Variants in CTNNBL1 observed in about 807,000 individuals in gnomAD.
The protein encoded by CTNNBL1 is beta-catenin-like protein 1.
Under a neutral mutation model 72.7 loss-of-function variants are expected in CTNNBL1, and 31 were observed. The observed-to-expected ratio is 0.43, with a 90% CI of 0.32 to 0.58. The LOEUF is 0.58. CTNNBL1 is among the 20% of genes least tolerant of loss of function. The pLI is 0.08. For synonymous variants in CTNNBL1, 240 were observed against 267.3 expected (o/e 0.90, Z 1.00); for missense variants, 534 against 725.1 (o/e 0.74, Z 3.03).
At chr20:37,831,833 TATC>T (rs2072213063) in intron 11 of CTNNBL1, among the ~76,000 whole-genome samples, 1 of 152,236 alleles carries the variant, frequency 6.6e-6, no homozygotes, top group South Asian at 2.1e-4. Context: ...GCCCTATAAT[TATC>T]ATAAGATTAT....
intron 1 of CTNNBL1, among the ~76,000 whole-genome samples, chr20:37,722,935 T>A (rs1024104627): frequency 2.6e-5 from 4 of 152,258 alleles, no homozygotes; most frequent in Admixed American, 6.5e-5. Flanking sequence ...AATGAATGAA[T>A]GGATGCGGAT....
At chr20:37,774,124 G>C (rs568284288) in intron 7 of CTNNBL1, among the ~76,000 whole-genome samples, 1 of 152,026 alleles carries the variant, frequency 6.6e-6, no homozygotes, top group East Asian at 1.9e-4. Context: ...ATGTTGCCCA[G>C]GCTGGTCTTG....
At chr20:37,869,677 A>G (rs2072566732) in intron 15 of CTNNBL1, among the ~76,000 whole-genome samples, 1 of 152,228 alleles carries the variant, frequency 6.6e-6, no homozygotes, top group Non-Finnish European at 1.5e-5. Context: ...AGGCTTTCAC[A>G]GAGAAGACAT....
intron 13 of CTNNBL1, among the ~76,000 whole-genome samples, chr20:37,852,176 T>C (rs1178241528): frequency 6.6e-6 from 1 of 152,202 alleles, no homozygotes; most frequent in Non-Finnish European, 1.5e-5. Flanking sequence ...AAATCTTAAC[T>C]CTCCTGTCTT....
At chr20:37,772,399 G>A (rs1348357223) in intron 7 of CTNNBL1, among the ~76,000 whole-genome samples, 1 of 152,186 alleles carries the variant, frequency 6.6e-6, no homozygotes, top group Non-Finnish European at 1.5e-5. Flanking sequence ...CACCCAGGCT[G>A]GAGTGCAGTG....
chr20:37,779,430 G>A (rs1164916837), intron 10 of CTNNBL1, 95 bp downstream of exon 10: 4 of 1,434,826 alleles, frequency 2.8e-6, no homozygotes, highest in Non-Finnish European at 3.8e-6. Context: ...CATTTATTCT[G>A]TTGGGTTTCC....
chr20:37,834,786 G>C (rs1303100615), intron 11 of CTNNBL1, among the ~76,000 whole-genome samples: 1 of 152,120 alleles, frequency 6.6e-6, no homozygotes, highest in Admixed American at 6.5e-5. Context: ...ATGGAGATGT[G>C]GATAGTACCT....
intron 1 of CTNNBL1, among the ~76,000 whole-genome samples, chr20:37,701,443 G>T (rs1389616605): frequency 6.6e-6 from 1 of 152,140 alleles, no homozygotes; most frequent in East Asian, 1.9e-4. Context: ...GGACATTAAA[G>T]AAGAATTCAT....
intron 7 of CTNNBL1, among the ~76,000 whole-genome samples, chr20:37,773,624 T>C (rs2073545414): frequency 6.6e-6 from 1 of 152,238 alleles, no homozygotes; most frequent in Non-Finnish European, 1.5e-5. Context: ...AGTTTGGTAT[T>C]GTGCAATCTC....
chr20:37,741,781 T>G (rs967038259), intron 3 of CTNNBL1, among the ~76,000 whole-genome samples: 1 of 152,260 alleles, frequency 6.6e-6, no homozygotes, highest in African/African-American at 2.4e-5. Flanking sequence ...TCTCACGGTA[T>G]CTTGTTACTC....
At chr20:37,714,783 A>G (rs1405328908) in intron 1 of CTNNBL1, among the ~76,000 whole-genome samples, 1 of 151,982 alleles carries the variant, frequency 6.6e-6, no homozygotes, top group Non-Finnish European at 1.5e-5. Context: ...TCCATTTGAT[A>G]TTTTTCTTTC....
At chr20:37,758,800 T>C (rs1055544598) in intron 5 of CTNNBL1, among the ~76,000 whole-genome samples, 10 of 152,216 alleles carry the variant, frequency 6.6e-5, no homozygotes, top group African/African-American at 2.4e-4. Flanking sequence ...CTCCAGCCAC[T>C]AGTATTAGAA....
At chr20:37,796,440 G>A (rs1458124625) in intron 10 of CTNNBL1, among the ~76,000 whole-genome samples, 1 of 148,154 alleles carries the variant, frequency 6.7e-6, no homozygotes, top group Admixed American at 6.7e-5. Context: ...CCATTGTTTT[G>A]TTCATCTTTT....
intron 1 of CTNNBL1, among the ~76,000 whole-genome samples, chr20:37,721,350 G>T (rs2073039302): frequency 6.6e-6 from 1 of 152,156 alleles, no homozygotes; most frequent in African/African-American, 2.4e-5. Flanking sequence ...AATTAAAGCT[G>T]GTTATCCTGT....
intron 11 of CTNNBL1, among the ~76,000 whole-genome samples, chr20:37,826,233 CAG>C (rs1211672894): frequency 6.6e-6 from 1 of 152,208 alleles, no homozygotes; most frequent in Non-Finnish European, 1.5e-5. Context: ...CATTTTCCCA[CAG>C]ATACAGTGCT....
chr20:37,806,309 C>T (rs1454736489), intron 11 of CTNNBL1, among the ~76,000 whole-genome samples: 1 of 152,122 alleles, frequency 6.6e-6, no homozygotes, highest in Non-Finnish European at 1.5e-5. Flanking sequence ...AGAGAGCTAC[C>T]CCACACTCTT....
intron 13 of CTNNBL1, among the ~76,000 whole-genome samples, chr20:37,858,882 A>G (rs868371660): frequency 6.6e-6 from 1 of 152,082 alleles, no homozygotes; most frequent in Non-Finnish European, 1.5e-5. Context: ...ATGCCCTCTG[A>G]CAAAACACCT....
intron 2 of CTNNBL1, among the ~76,000 whole-genome samples, chr20:37,734,872 G>A (rs77099270): frequency 0.011 from 1,615 of 152,336 alleles, 23 homozygotes; most frequent in African/African-American, 0.037. Context: ...TTAAAGGAGG[G>A]AAGGCCAAAC....
At chr20:37,859,101 G>A (rs1010322957) in intron 13 of CTNNBL1, among the ~76,000 whole-genome samples, 4 of 152,116 alleles carry the variant, frequency 2.6e-5, no homozygotes, top group African/African-American at 4.8e-5. Flanking sequence ...GCTGCCAGGC[G>A]TGGTGTCTCA....
Sources: gnomAD v4.1 joint callset for allele counts (sites outside exome capture counted in the v4.1 genomes callset) on GRCh38, gnomAD v4.1.1 for gene constraint, MANE v1.5 for transcripts, NCBI Gene and HGNC (gene_info 2026-07-23, HGNC 2026-07-21) for gene names.